The following NRXN3 variants were observed in gnomAD, a reference collection of about 807,000 sequenced individuals.
NRXN3 encodes neurexin 3.
A neutral mutation model predicts 137.6 loss-of-function variants in NRXN3; 32 were observed. The ratio of observed to expected loss-of-function variants is 0.23; its 90% CI spans 0.18 to 0.31. The LOEUF (loss-of-function observed/expected upper bound fraction) is 0.31. NRXN3 is among the 10% of genes least tolerant of loss of function. The probability of loss-of-function intolerance (pLI) is 1.00; values close to 1 mark genes in which losing one functional copy is unlikely to be tolerated. For missense variants in NRXN3, 1,574 were observed against 2,062.5 expected (o/e 0.76, Z 4.59); for synonymous variants, 798 against 784.5 (o/e 1.02, Z -0.29).
intron 4 of NRXN3, among the ~76,000 whole-genome samples, chr14:78,444,314 C>T (rs2094348714): frequency 6.6e-6 from 1 of 152,212 alleles, no homozygotes; most frequent in African/African-American, 2.4e-5. Context: ...AGGCTGCCCT[C>T]CTTCCCAGGG....
intron 15 of NRXN3, among the ~76,000 whole-genome samples, chr14:79,020,570 C>T (rs1282712929): frequency 6.6e-6 from 1 of 151,448 alleles, no homozygotes; most frequent in Non-Finnish European, 1.5e-5. Context: ...TGGCCGACTT[C>T]AAGGTTTCTA....
At chr14:79,028,239 T>C (rs2099601836) in intron 15 of NRXN3, among the ~76,000 whole-genome samples, 2 of 152,140 alleles carry the variant, frequency 1.3e-5, no homozygotes, top group African/African-American at 2.4e-5. Flanking sequence ...TTCTTATTTG[T>C]CACACCCTTC....
chr14:78,813,819 A>T (rs2098922743), intron 10 of NRXN3, among the ~76,000 whole-genome samples: 1 of 152,074 alleles, frequency 6.6e-6, no homozygotes, highest in South Asian at 2.1e-4. Context: ...GAGAAGGGTG[A>T]TCTTGAGGGG....
intron 4 of NRXN3, among the ~76,000 whole-genome samples, chr14:78,644,777 A>G (rs999282835): frequency 6.6e-5 from 10 of 152,230 alleles, no homozygotes; most frequent in Admixed American, 3.3e-4. Flanking sequence ...ATTTAAAAGC[A>G]ATTCCTGAAG....
Position 79,697,660 on chromosome 14 carries a change from C to G in NRXN3, c.3737C>G (p.Ala1246Gly). The change falls in exon 19 of 21, where the codon GCG (alanine) becomes GGG (glycine). Residue 1246 changes from alanine (A) to glycine (G), a missense_variant. Transcript: ENST00000335750. ...CAGTTAACCATCTTCAACACTCAGG[C>G]GCAAATAGCCATTGGTGGAAAGGAC... ...GRQLTIFNTQ[A>G]QIAIGGKDKG... The G allele has an allele frequency of 1.2e-6, 2 of 1,612,626 alleles. No individual in the cohort carries two copies. Among genetic ancestry groups the G allele is most frequent in the Non-Finnish European group, 1.7e-6 (2 of 1,179,078 alleles).
chr14:78,919,711 T>A (rs1283045041), intron 10 of NRXN3, among the ~76,000 whole-genome samples: 1 of 152,116 alleles, frequency 6.6e-6, no homozygotes, highest in Admixed American at 6.6e-5. Context: ...TTGTTCAAAG[T>A]CATATATGTG....
At chr14:79,398,020 C>T (rs1162655167) in intron 15 of NRXN3, among the ~76,000 whole-genome samples, 1 of 152,230 alleles carries the variant, frequency 6.6e-6, no homozygotes, top group Non-Finnish European at 1.5e-5. Context: ...ATCTATAACA[C>T]TTCCCTGTCT....
chr14:78,881,047 T>A (rs2099127830), intron 10 of NRXN3, among the ~76,000 whole-genome samples: 1 of 145,394 alleles, frequency 6.9e-6, no homozygotes, highest in African/African-American at 2.8e-5. Context: ...CATAAGGGGA[T>A]TTTCCCCCTT....
chr14:78,434,629 G>A (rs991238271), intron 4 of NRXN3, among the ~76,000 whole-genome samples: 2 of 152,144 alleles, frequency 1.3e-5, no homozygotes, highest in Non-Finnish European at 2.9e-5. Context: ...ACAAAGGTGA[G>A]GGTCATTGGA....
intron 19 of NRXN3, among the ~76,000 whole-genome samples, chr14:79,785,144 G>T (rs775769429): frequency 2.6e-5 from 4 of 152,162 alleles, no homozygotes; most frequent in Non-Finnish European, 5.9e-5. Flanking sequence ...AAATGTGCTT[G>T]GCAGAACAGT....
chr14:79,258,267 A>AG (rs2077066778), intron 15 of NRXN3, among the ~76,000 whole-genome samples: 2 of 152,044 alleles, frequency 1.3e-5, no homozygotes, highest in African/African-American at 4.8e-5. Context: ...GTGTGATCTC[A>AG]GCTCACTGTT....
chr14:78,273,801 C>T (rs1054678901), intron 2 of NRXN3, among the ~76,000 whole-genome samples: 1 of 152,208 alleles, frequency 6.6e-6, no homozygotes, highest in African/African-American at 2.4e-5. Context: ...TGTGCCAGCA[C>T]ACTTCTTCAG....
At chr14:79,056,537 C>T (rs559478521) in intron 15 of NRXN3, among the ~76,000 whole-genome samples, 72 of 152,144 alleles carry the variant, frequency 4.7e-4, no homozygotes, top group African/African-American at 1.7e-3. Context: ...TAATCCTGTC[C>T]GGGGTTCAGA....
intron 15 of NRXN3, among the ~76,000 whole-genome samples, chr14:79,115,498 A>C (rs2054290323): frequency 6.6e-6 from 1 of 152,160 alleles, no homozygotes; most frequent in Non-Finnish European, 1.5e-5. Flanking sequence ...ATAAAATCAC[A>C]TGTATGGTTC....
At chr14:78,900,532 T>G (rs181722786) in intron 10 of NRXN3, among the ~76,000 whole-genome samples, 110 of 151,872 alleles carry the variant, frequency 7.2e-4, no homozygotes, top group Middle Eastern at 6.8e-3. Flanking sequence ...TGCCTGGAAA[T>G]CCTTTTCTCT....
intron 15 of NRXN3, among the ~76,000 whole-genome samples, chr14:79,056,349 A>G (rs1227007324): frequency 2.6e-5 from 4 of 152,188 alleles, no homozygotes; most frequent in Admixed American, 2.6e-4. Context: ...ATGCTCCAAA[A>G]ATTGAAAACA....
At chr14:78,459,880 G>C (rs1190995860) in intron 4 of NRXN3, among the ~76,000 whole-genome samples, 1 of 152,138 alleles carries the variant, frequency 6.6e-6, no homozygotes. Context: ...TGTCTACCTG[G>C]AGATAGTGTC....
intron 19 of NRXN3, among the ~76,000 whole-genome samples, chr14:79,785,370 A>G (rs1196745338): frequency 6.6e-6 from 1 of 152,076 alleles, no homozygotes; most frequent in East Asian, 1.9e-4. Context: ...CTACCACCTG[A>G]TGACTTCATG....
At chr14:78,484,027 C>CACAGAGAGAG (rs1229106899) in intron 4 of NRXN3, among the ~76,000 whole-genome samples, 1 of 137,088 alleles carries the variant, frequency 7.3e-6, no homozygotes, top group African/African-American at 2.9e-5. Flanking sequence ...CACACACACA[C>CACAGAGAGAG]AGAGAGAGAG....
Sources: gnomAD v4.1 joint callset for allele counts (sites outside exome capture counted in the v4.1 genomes callset) on GRCh38, gnomAD v4.1.1 for gene constraint, MANE v1.5 for transcripts, NCBI Gene and HGNC (gene_info 2026-07-23, HGNC 2026-07-21) for gene names.